The following C8orf34 variants were observed in gnomAD, a reference collection of about 807,000 sequenced individuals.
C8orf34 encodes the protein chromosome 8 open reading frame 34, also known as uncharacterized protein C8orf34.
A neutral mutation model predicts 68.3 loss-of-function variants in C8orf34; 65 were observed. The ratio of observed to expected loss-of-function variants is 0.95; its 90% confidence interval spans 0.78 to 1.17. The LOEUF (loss-of-function observed/expected upper bound fraction) is 1.17. C8orf34 is among the 50% of genes most tolerant of loss of function. The pLI, the probability that C8orf34 is intolerant of heterozygous loss-of-function variation, is 0.00. For missense variants in C8orf34, 664 were observed against 655.4 expected, an observed-to-expected ratio of 1.01 and a Z score of -0.14; for synonymous variants, 244 against 241.2, an observed-to-expected ratio of 1.01 and a Z score of -0.11.
intron 3 of C8orf34, among the ~76,000 whole-genome samples, chr8:68,464,598 A>G (rs1450267749): frequency 6.6e-6 from 1 of 152,174 alleles, no homozygotes; most frequent in Non-Finnish European, 1.5e-5. Flanking sequence ...GTACCAAAAC[A>G]GAGATATTGA....
chr8:68,608,837 T>G lies in C8orf34; in HGVS notation c.1106-31539T>G, dbSNP rs142563825. ...GAAGGATGAATGTTTCAACCCAAAA[T>G]GTTAATAGTACGGATGAAGTGAAAC... On this transcript the variant is annotated intron_variant, in intron 7 of 13. Transcript: ENST00000518698. Among the ~76,000 whole-genome samples, 735 of 152,152 alleles carry G rather than the reference T, an allele frequency of 4.8e-3. 10 individuals are homozygous for G. The highest frequency in any genetic ancestry group is 0.017 in the African/African-American group (686 of 41,544).
chr8:68,439,668 A>T (rs1445620186), intron 2 of C8orf34, 22 bp downstream of exon 2: 3 of 1,590,858 alleles, frequency 1.9e-6, no homozygotes, highest in Non-Finnish European at 2.6e-6. Context: ...ATGTCTATGC[A>T]GTTAATTTGG....
intron 12 of C8orf34, among the ~76,000 whole-genome samples, chr8:68,794,080 C>G (rs1164353644): frequency 1.3e-5 from 2 of 152,020 alleles, no homozygotes; most frequent in African/African-American, 2.4e-5. Context: ...TAGGTGCATG[C>G]AGGTTGAGTA....
At chr8:68,451,668 G>T (rs1811351661) in intron 3 of C8orf34, among the ~76,000 whole-genome samples, 1 of 151,984 alleles carries the variant, frequency 6.6e-6, no homozygotes, top group African/African-American at 2.4e-5. Flanking sequence ...CATGGGTGTG[G>T]TTTGTGGCAC....
intron 7 of C8orf34, among the ~76,000 whole-genome samples, chr8:68,555,685 T>A (rs1302554374): frequency 6.6e-6 from 1 of 152,130 alleles, no homozygotes; most frequent in Non-Finnish European, 1.5e-5. Flanking sequence ...AATGTATATA[T>A]TTTTTAAATT....
chr8:68,788,055 CACTAT>C (rs1410927958), intron 12 of C8orf34, among the ~76,000 whole-genome samples: 1 of 152,150 alleles, frequency 6.6e-6, no homozygotes, highest in East Asian at 1.9e-4. Context: ...AGGAATGAAT[CACTAT>C]ACTAATGCCA....
rs572333445 is a variant in C8orf34 at position 68,672,389 on chromosome 8, G to A, written c.1241+31878G>A. 3.3e-5 allele frequency among the ~76,000 whole-genome samples: 5 copies of A among 152,262 alleles called. No individual in the cohort carries two copies. The South Asian group carries it at 1.0e-3, about 32-fold the overall frequency. ...AGAGGGAAGGAAAGAGTCTTCAATTGCCAAGGCCACCCTACACCCATCCCT... is the reference window on the plus strand; with the variant it reads ...AGAGGGAAGGAAAGAGTCTTCAATTACCAAGGCCACCCTACACCCATCCCT... On this transcript the variant is annotated intron_variant, in intron 8 of 13. Transcript: ENST00000518698.
At chr8:68,535,726 A>AT (rs1815438708) in intron 7 of C8orf34, 1 of 924,264 alleles carries the variant, frequency 1.1e-6, no homozygotes, top group Non-Finnish European at 1.3e-6. Flanking sequence ...TAGATCAAAT[A>AT]TTTTCTGTAA....
At chr8:68,456,932 T>A (rs913754516) in intron 3 of C8orf34, among the ~76,000 whole-genome samples, 3 of 152,212 alleles carry the variant, frequency 2.0e-5, no homozygotes, top group Admixed American at 6.5e-5. Context: ...TGGTTGCAGA[T>A]CATGAGCAGA....
At chr8:68,710,147 G>A (rs1013619456) in intron 9 of C8orf34, among the ~76,000 whole-genome samples, 4 of 152,162 alleles carry the variant, frequency 2.6e-5, no homozygotes, top group African/African-American at 9.7e-5. Context: ...CTCCCACTCG[G>A]ACAGACAGAG....
At chr8:68,588,677 T>TTCCA (rs1363603362) in intron 7 of C8orf34, among the ~76,000 whole-genome samples, 2 of 152,132 alleles carry the variant, frequency 1.3e-5, no homozygotes, top group East Asian at 3.9e-4. Context: ...ATTAGATAGG[T>TTCCA]CTTCATGCAT....
chr8:68,758,075 A>C (rs1426057230), intron 10 of C8orf34, among the ~76,000 whole-genome samples: 1 of 152,214 alleles, frequency 6.6e-6, no homozygotes, highest in East Asian at 1.9e-4. Flanking sequence ...GCTGTGTGCC[A>C]GGCACACTGA....
At chr8:68,460,950 A>G (rs1284434933) in intron 3 of C8orf34, among the ~76,000 whole-genome samples, 1 of 152,230 alleles carries the variant, frequency 6.6e-6, no homozygotes, top group African/African-American at 2.4e-5. Flanking sequence ...AGAGAATGAC[A>G]TGACGAGTTG....
At chr8:68,413,343 A>G (rs1312232624) in intron 1 of C8orf34, among the ~76,000 whole-genome samples, 1 of 152,222 alleles carries the variant, frequency 6.6e-6, no homozygotes, top group East Asian at 1.9e-4. Flanking sequence ...GAGCAGAAGT[A>G]TCTTTCTATT....
intron 1 of C8orf34, among the ~76,000 whole-genome samples, chr8:68,430,215 A>G (rs903417409): frequency 1.3e-5 from 2 of 152,186 alleles, no homozygotes; most frequent in Non-Finnish European, 2.9e-5. Context: ...TGGGATTCAG[A>G]GAGCTTCTTA....
intron 7 of C8orf34, among the ~76,000 whole-genome samples, chr8:68,612,801 G>T (rs1818062256): frequency 6.6e-6 from 1 of 152,000 alleles, no homozygotes; most frequent in Admixed American, 6.6e-5. Flanking sequence ...TTCTCTATGT[G>T]TGTCTGAACT....
chr8:68,497,982 C>T (rs1465126304), intron 5 of C8orf34, among the ~76,000 whole-genome samples: 2 of 152,208 alleles, frequency 1.3e-5, no homozygotes, highest in South Asian at 2.1e-4. Flanking sequence ...ACATGCACCA[C>T]CATGCCCAGC....
intron 8 of C8orf34, among the ~76,000 whole-genome samples, chr8:68,648,822 G>A (rs1819257382): frequency 6.6e-6 from 1 of 152,090 alleles, no homozygotes; most frequent in African/African-American, 2.4e-5. Flanking sequence ...AAATATCATG[G>A]GATTAATATA....
intron 7 of C8orf34, among the ~76,000 whole-genome samples, chr8:68,606,300 G>A (rs1005827048): frequency 3.9e-5 from 6 of 152,056 alleles, no homozygotes; most frequent in African/African-American, 1.4e-4. Context: ...CAGGAATTGT[G>A]TCTTACTTTA....
Sources: allele counts gnomAD v4.1 joint callset (sites outside exome capture counted in the v4.1 genomes callset), GRCh38; gene constraint gnomAD v4.1.1; transcripts MANE v1.5; gene names NCBI Gene and HGNC (gene_info 2026-07-23, HGNC 2026-07-21).